Variants in AFAP1L1 observed in about 807,000 individuals in gnomAD.
The protein encoded by AFAP1L1 is actin filament-associated protein 1-like 1.
AFAP1L1 carries 77 observed loss-of-function variants against 99.8 expected under a neutral mutation model. The ratio of observed to expected loss-of-function variants is 0.77; its 90% CI spans 0.64 to 0.93. AFAP1L1 has a LOEUF of 0.93. AFAP1L1 is among the 40% of genes least tolerant of loss of function. The pLI is 0.00. For missense variants in AFAP1L1, 893 were observed against 996.8 expected (o/e 0.90, Z 1.40); for synonymous variants, 373 against 395.3 (o/e 0.94, Z 0.67).
chr5:149,319,153 C>A (rs913972259), intron 12 of AFAP1L1, among the ~76,000 whole-genome samples: 6 of 152,188 alleles, frequency 3.9e-5, no homozygotes, highest in Non-Finnish European at 8.8e-5. Flanking sequence ...TTCCTATACA[C>A]AGTATTGTAC....
At chr5:149,288,121 C>T (rs1014556701) in intron 1 of AFAP1L1, among the ~76,000 whole-genome samples, 1 of 152,228 alleles carries the variant, frequency 6.6e-6, no homozygotes, top group South Asian at 2.1e-4. Flanking sequence ...GGCCAGACAT[C>T]CGACCTGGTG....
In AFAP1L1 at chr5:149,288,488, C is replaced by T. The variant is rs540667027; in HGVS notation, c.17-11021C>T. ...ACTACCTGCTTTTACCATCAGGCAT[C>T]CCAGATTACTCCCTGGGACTACTCT... On this transcript the variant is annotated intron_variant, in intron 1 of 18. Transcript: ENST00000296721. 7.8e-4 allele frequency among the ~76,000 whole-genome samples: 119 copies of T among 152,316 alleles called. 1 individual carries two copies. Among genetic ancestry groups the T allele is most frequent in the African/African-American group, 2.8e-3 (115 of 41,554 alleles).
At chr5:149,323,923 C>A (rs1446319533) in intron 15 of AFAP1L1, among the ~76,000 whole-genome samples, 1 of 152,200 alleles carries the variant, frequency 6.6e-6, no homozygotes, top group Non-Finnish European at 1.5e-5. Flanking sequence ...AAAAAACTAA[C>A]AAACACACAC....
At chr5:149,314,081 A>G (rs1187811233) in intron 9 of AFAP1L1, among the ~76,000 whole-genome samples, 2 of 152,226 alleles carry the variant, frequency 1.3e-5, no homozygotes, top group African/African-American at 2.4e-5. Flanking sequence ...CTTAAGGCAT[A>G]GGCAAGATTT....
chr5:149,306,828 A>C (rs1756429056), intron 6 of AFAP1L1, among the ~76,000 whole-genome samples: 2 of 152,172 alleles, frequency 1.3e-5, no homozygotes, highest in Non-Finnish European at 2.9e-5. Context: ...ATTGGTCTTC[A>C]AATAGCCGGC....
At chr5:149,299,426 C>A in intron 1 of AFAP1L1, 83 bp from the exon 2 acceptor site, 1 of 1,569,858 alleles carries the variant, frequency 6.4e-7, no homozygotes, top group South Asian at 1.2e-5. Context: ...TTCCGCCCAA[C>A]TCTAGGTGGT....
At chr5:149,299,379 A>G (rs2127593705) in intron 1 of AFAP1L1, 130 bp from the exon 2 acceptor site, 3 of 1,258,736 alleles carry the variant, frequency 2.4e-6, no homozygotes, top group Non-Finnish European at 3.2e-6. Flanking sequence ...GAGAGCCCCC[A>G]GGTCCGCTTG....
At chr5:149,303,976 C>G (rs2127595033) in intron 5 of AFAP1L1, among the ~76,000 whole-genome samples, 1 of 152,294 alleles carries the variant, frequency 6.6e-6, no homozygotes, top group South Asian at 2.1e-4. Context: ...ATCTAGTCCC[C>G]AAACATTGTC....
intron 5 of AFAP1L1, chr5:149,302,729 T>A: frequency 2.1e-6 from 1 of 480,862 alleles, no homozygotes; most frequent in African/African-American, 2.0e-5. Flanking sequence ...CCCCAGGGGC[T>A]GGGGGCTTAG....
chr5:149,317,765 A>C lies in AFAP1L1; in HGVS notation c.1304A>C (p.Glu435Ala), dbSNP rs772712522. Residue 435 changes from glutamate (E) to alanine (A), a missense_variant, in exon 12 of 19, where the codon GAA becomes GCA. Physicochemically the swap from Glu to Ala is moderately radical, Grantham distance 107. Coordinates refer to ENST00000296721, the MANE Select transcript of AFAP1L1 (RefSeq NM_152406.4). The part of the protein sequence containing the change: ...LNVLVNQGWK[E>A]RWCRLKCNTL... Reference sequence around the variant, plus strand: ...GTGCTGGTGAACCAGGGCTGGAAGGAACGCTGGTGCCGCCTGAAGTGCAAC... The same window carrying C: ...GTGCTGGTGAACCAGGGCTGGAAGGCACGCTGGTGCCGCCTGAAGTGCAAC... 4 of 1,613,978 alleles carry C rather than the reference A, an allele frequency of 2.5e-6. No individual in the cohort carries two copies. The African/African-American group carries it at 5.3e-5, about 22-fold the overall frequency.
chr5:149,300,281 C>A lies in AFAP1L1; in HGVS notation c.156C>A (p.Val52=). Reference sequence around the variant, plus strand: ...CCTTCTTCCTCACAGCAAAGGAGGTCTCCTACCTGTATGTGAACACAGCAG... The same window carrying A: ...CCTTCTTCCTCACAGCAAAGGAGGTATCCTACCTGTATGTGAACACAGCAG... The part of the protein sequence containing the change: ...QSLQPLPAKE[V]SYLYVNTADL... Residue 52 remains valine, a synonymous_variant, in exon 3 of 19, where the codon GTC becomes GTA. Coordinates refer to ENST00000296721, the MANE Select transcript of AFAP1L1 (RefSeq NM_152406.4). 1 of 1,613,008 alleles carries A rather than the reference C, an allele frequency of 6.2e-7. No individual in the cohort carries two copies. The highest frequency in any genetic ancestry group is 8.5e-7 in the Non-Finnish European group (1 of 1,179,500).
rs549929475 is a variant in AFAP1L1, at chr5:149,300,292, A to G, written c.167A>G (p.Tyr56Cys). The G allele has an allele frequency of 1.9e-6, 3 of 1,613,510 alleles. No individual in the cohort carries two copies. The highest frequency in any genetic ancestry group is 4.5e-5 in the East Asian group (2 of 44,870). ...PLPAKEVSYL[Y>C]VNTADLHSGP... ...ACAGCAAAGGAGGTCTCCTACCTGTATGTGAACACAGCAGACCTCCACTCG... is the reference window on the plus strand; with the variant it reads ...ACAGCAAAGGAGGTCTCCTACCTGTGTGTGAACACAGCAGACCTCCACTCG... Residue 56 changes from tyrosine (Y) to cysteine (C), a missense_variant, in exon 3 of 19, where the codon TAT becomes TGT. Transcript: ENST00000296721.
chr5:149,332,296 C>T (rs1231810520), intron 16 of AFAP1L1, among the ~76,000 whole-genome samples: 2 of 152,188 alleles, frequency 1.3e-5, no homozygotes, highest in African/African-American at 2.4e-5. Flanking sequence ...ACTTGGGAGG[C>T]TGAGGCAGGA....
chr5:149,281,902 G>A (rs1755529935), intron 1 of AFAP1L1, among the ~76,000 whole-genome samples: 6 of 152,236 alleles, frequency 3.9e-5, no homozygotes, highest in Admixed American at 3.9e-4. Context: ...CTTTATCGAT[G>A]AGGGGGTATA....
intron 1 of AFAP1L1, among the ~76,000 whole-genome samples, chr5:149,295,245 A>G (rs1356557116): frequency 3.3e-5 from 5 of 152,162 alleles, no homozygotes; most frequent in African/African-American, 1.2e-4. Context: ...TGGTGATCAA[A>G]TCTCAGTTAA....
intron 1 of AFAP1L1, among the ~76,000 whole-genome samples, chr5:149,289,815 C>G (rs1755796342): frequency 2.0e-5 from 3 of 152,158 alleles, no homozygotes. Flanking sequence ...CAGAGCTGGA[C>G]ACAGACAGAA....
chr5:149,313,163 G>C (rs1756690549), intron 9 of AFAP1L1, among the ~76,000 whole-genome samples: 1 of 151,660 alleles, frequency 6.6e-6, no homozygotes, highest in East Asian at 1.9e-4. Flanking sequence ...TGCCTGTTTG[G>C]AACATGAGAG....
chr5:149,328,454 GCA>G (rs1249844543), intron 15 of AFAP1L1, among the ~76,000 whole-genome samples: 2 of 152,294 alleles, frequency 1.3e-5, no homozygotes, highest in Non-Finnish European at 2.9e-5. Context: ...GCCACCATTA[GCA>G]GTGGGACCTA....
At chr5:149,288,697 A>C (rs950216001) in intron 1 of AFAP1L1, among the ~76,000 whole-genome samples, 6 of 152,212 alleles carry the variant, frequency 3.9e-5, no homozygotes, top group African/African-American at 1.4e-4. Context: ...GCCCAGTCCC[A>C]CAGCCAAAAG....
Sources: gnomAD v4.1 joint callset for allele counts (sites outside exome capture counted in the v4.1 genomes callset) on GRCh38, gnomAD v4.1.1 for gene constraint, MANE v1.5 for transcripts, NCBI Gene and HGNC (gene_info 2026-07-23, HGNC 2026-07-21) for gene names.